The following PDE5A variants were observed in gnomAD, a reference collection of about 807,000 sequenced individuals.
PDE5A encodes cGMP-specific 3',5'-cyclic phosphodiesterase.
PDE5A carries 67 observed loss-of-function variants against 110.2 expected under a neutral mutation model. The ratio of observed to expected loss-of-function variants is 0.61; its 90% CI spans 0.50 to 0.75. PDE5A has a LOEUF of 0.75. Ranked by LOEUF, PDE5A falls within the 30% of genes least tolerant of loss-of-function variation. The pLI is 0.00. For synonymous variants in PDE5A, 328 were observed against 351.2 expected (o/e 0.93, Z 0.74); for missense variants, 862 against 1,045.1 (o/e 0.82, Z 2.42).
At position 119,555,426 on chromosome 4, in the gene PDE5A, A is replaced by G. The variant is rs577813488; in HGVS notation, c.1200-1680T>C. ...GTGACACTCAAGAAAAGGTTATATA[A>G]ATGCAGGGTTTAGTTTAATAAAACA... On this transcript the variant is annotated intron_variant, in intron 7 of 20. Coordinates refer to ENST00000354960, the MANE Select transcript of PDE5A (RefSeq NM_001083.4). 3.3e-5 allele frequency among the ~76,000 whole-genome samples: 5 copies of G among 152,286 alleles called. No individual in the cohort carries two copies. In the South Asian group the frequency reaches 1.0e-3, roughly 32 times the overall value.
chr4:119,587,869 A>T (rs191526272), intron 3 of PDE5A, among the ~76,000 whole-genome samples: 5 of 152,316 alleles, frequency 3.3e-5, no homozygotes, highest in Admixed American at 3.3e-4. Flanking sequence ...TACTTGCCAA[A>T]TTTAAGAAAG....
At chr4:119,531,766 A>G (rs1269729282) in intron 11 of PDE5A, among the ~76,000 whole-genome samples, 2 of 152,092 alleles carry the variant, frequency 1.3e-5, no homozygotes, top group African/African-American at 4.8e-5. Context: ...TACCAGGAAC[A>G]CATTTGCTCT....
chr4:119,520,912 A>G (rs760522360), intron 13 of PDE5A, 23 bp downstream of exon 13: 2 of 1,596,432 alleles, frequency 1.3e-6, no homozygotes, highest in Admixed American at 1.7e-5. Flanking sequence ...TGTATTAGAT[A>G]TATGAATGGC....
At chr4:119,504,061 T>C (rs376515885) in intron 18 of PDE5A, among the ~76,000 whole-genome samples, 6,809 of 152,122 alleles carry the variant, frequency 0.045, 511 homozygotes, top group African/African-American at 0.16. Flanking sequence ...ACAGTGAACA[T>C]TGTACCCAGT....
chr4:119,557,115 A>G (rs1331649387), intron 7 of PDE5A, among the ~76,000 whole-genome samples: 1 of 152,168 alleles, frequency 6.6e-6, no homozygotes, highest in Non-Finnish European at 1.5e-5. Context: ...CCAGAGAAAA[A>G]GACTGAGCAC....
intron 2 of PDE5A, among the ~76,000 whole-genome samples, chr4:119,606,501 C>T (rs1042739584): frequency 1.6e-4 from 24 of 152,148 alleles, no homozygotes; most frequent in African/African-American, 5.8e-4. Context: ...ATATCCTCAA[C>T]TGAACCACCA....
intron 18 of PDE5A, among the ~76,000 whole-genome samples, chr4:119,504,329 A>C (rs900097603): frequency 6.6e-6 from 1 of 151,972 alleles, no homozygotes; most frequent in Non-Finnish European, 1.5e-5. Context: ...TATGTACCAC[A>C]TTTTCTTTAT....
At chr4:119,521,702 A>G (rs923068681) in intron 12 of PDE5A, among the ~76,000 whole-genome samples, 8 of 151,984 alleles carry the variant, frequency 5.3e-5, no homozygotes, top group African/African-American at 1.9e-4. Context: ...TAAAAAAAAA[A>G]TGTGCCAAAT....
At chr4:119,501,832 C>T (rs1411736042) in intron 19 of PDE5A, among the ~76,000 whole-genome samples, 1 of 152,162 alleles carries the variant, frequency 6.6e-6, no homozygotes. Context: ...GTTTGCCCTT[C>T]AACACGACAA....
chr4:119,596,811 T>C (rs1440015191), intron 2 of PDE5A, among the ~76,000 whole-genome samples, 199 bp from the exon 3 acceptor site: 1 of 152,140 alleles, frequency 6.6e-6, no homozygotes, highest in Non-Finnish European at 1.5e-5. Context: ...TGAGCTTTTT[T>C]ATAAGCAGCT....
chr4:119,600,182 G>A (rs1484113441), intron 2 of PDE5A, among the ~76,000 whole-genome samples: 2 of 147,344 alleles, frequency 1.4e-5, no homozygotes, highest in Admixed American at 1.3e-4. Context: ...TTGAGCACAT[G>A]AGTATATATA....
chr4:119,593,522 G>C (rs1478474360), intron 3 of PDE5A, among the ~76,000 whole-genome samples: 1 of 152,144 alleles, frequency 6.6e-6, no homozygotes, highest in Non-Finnish European at 1.5e-5. Context: ...TGACATTCTA[G>C]AAAAAGCAAA....
intron 1 of PDE5A, among the ~76,000 whole-genome samples, chr4:119,619,316 G>A (rs894736100): frequency 2.0e-5 from 3 of 152,044 alleles, no homozygotes; most frequent in Non-Finnish European, 4.4e-5. Flanking sequence ...ACTGATACTC[G>A]GCTCTCCTGG....
At chr4:119,594,887 A>T (rs1303667398) in intron 3 of PDE5A, among the ~76,000 whole-genome samples, 1 of 152,222 alleles carries the variant, frequency 6.6e-6, no homozygotes, top group Admixed American at 6.5e-5. Flanking sequence ...GGTTCTACCC[A>T]GACCTACTGA....
chr4:119,565,607 A>G (rs1727903531), intron 4 of PDE5A, among the ~76,000 whole-genome samples, 197 bp from the exon 5 acceptor site: 1 of 152,128 alleles, frequency 6.6e-6, no homozygotes, highest in African/African-American at 2.4e-5. Context: ...TTAGGTATAA[A>G]TCAATAAGGA....
chr4:119,579,755 G>A lies in PDE5A; in HGVS notation c.832-12611C>T, dbSNP rs571374216. Among the ~76,000 whole-genome samples the A allele has an allele frequency of 4.5e-3, 679 of 151,970 alleles. 3 individuals carry two copies. The highest frequency in any genetic ancestry group is 0.024 in the South Asian group (115 of 4,804). ...ACCTAATGTTAAATGATGAGTTACT[G>A]GGTGCAGCACACCAACATGGCACAT... On this transcript the variant is annotated intron_variant, in intron 3 of 20. Coordinates refer to ENST00000354960, the MANE Select transcript of PDE5A (RefSeq NM_001083.4).
chr4:119,588,094 C>T lies in PDE5A; in HGVS notation c.831+8429G>A, dbSNP rs368496026. Among the ~76,000 whole-genome samples the T allele has an allele frequency of 3.9e-5, 6 of 152,086 alleles. No homozygotes were observed. In the South Asian group the frequency reaches 1.2e-3, roughly 32 times the overall value. The stretch of plus-strand genomic sequence containing the variant: ...TCGAACTTGTGTGTTGAATATTGGA[C>T]TCATTTAACATTTATCTTGTCACCT... On this transcript the variant is annotated intron_variant, in intron 3 of 20. Coordinates refer to ENST00000354960, the MANE Select transcript of PDE5A (RefSeq NM_001083.4).
chr4:119,502,711 CAG>C (rs1725399732), intron 18 of PDE5A, 56 bp from the exon 19 acceptor site: 2 of 1,172,546 alleles, frequency 1.7e-6, no homozygotes, highest in Non-Finnish European at 2.5e-6. Context: ...TTCTTTAAAA[CAG>C]AGACCGTGAA....
chr4:119,608,411 C>T (rs1275359318), intron 1 of PDE5A, among the ~76,000 whole-genome samples: 5 of 152,128 alleles, frequency 3.3e-5, no homozygotes, highest in African/African-American at 9.7e-5. Context: ...CCCCTTAGAA[C>T]GCTGTAGTCT....
Sources: allele counts gnomAD v4.1 joint callset (sites outside exome capture counted in the v4.1 genomes callset), GRCh38; gene constraint gnomAD v4.1.1; transcripts MANE v1.5; gene names NCBI Gene and HGNC (gene_info 2026-07-23, HGNC 2026-07-21).